PDE10A: variants seen among roughly 807,000 people sequenced by gnomAD.
The protein encoded by PDE10A is phosphodiesterase 10A, also known as cAMP and cAMP-inhibited cGMP 3',5'-cyclic phosphodiesterase 10A.
In PDE10A, 39 loss-of-function variants were observed where a neutral mutation model predicts 97.7. The observed-to-expected ratio is 0.40, with a 90% CI of 0.31 to 0.52. The LOEUF (loss-of-function observed/expected upper bound fraction) is 0.52, where lower values mean the gene tolerates loss of function less well. Ranked by LOEUF, PDE10A falls within the 20% of genes least tolerant of loss-of-function variation. PDE10A has a pLI of 0.56. For synonymous variants in PDE10A, 371 were observed against 376.8 expected (o/e 0.98, Z 0.18); for missense variants, 731 against 1,047.8 (o/e 0.70, Z 4.17).
chr6:165,807,451 C>T (rs757597987), intron 1 of PDE10A, among the ~76,000 whole-genome samples: 1 of 152,104 alleles, frequency 6.6e-6, no homozygotes, highest in Non-Finnish European at 1.5e-5. Context: ...GCACAGCACA[C>T]CAGGATTACA....
Position 165,685,968 on chromosome 6 carries a change from A to T in PDE10A, c.-614-142400T>A, listed in dbSNP as rs1054436110. ...GCCATTAAGAAAAAAATTAATAATA[A>T]AGAAATTACGTCCATGAGCCTAATT... On this transcript the variant is annotated intron_variant, in intron 1 of 19. Coordinates refer to the PDE10A transcript ENST00000366882. 7.9e-5 allele frequency among the ~76,000 whole-genome samples: 12 copies of T among 152,186 alleles called. No homozygotes were observed. The East Asian group carries it at 2.1e-3, about 27-fold the overall frequency.
intron 13 of PDE10A, among the ~76,000 whole-genome samples, chr6:165,402,857 C>T (rs1164894615): frequency 3.3e-5 from 5 of 152,106 alleles, no homozygotes; most frequent in Admixed American, 1.3e-4. Context: ...GGCCTATTTA[C>T]ACAATAACCC....
At chr6:165,828,284 GAA>G (rs1323148977) in intron 1 of PDE10A, among the ~76,000 whole-genome samples, 1 of 152,242 alleles carries the variant, frequency 6.6e-6, no homozygotes, top group African/African-American at 2.4e-5. Context: ...AATATACAGA[GAA>G]AAAGAGTAAC....
chr6:165,785,216 A>C (rs1583085655), intron 1 of PDE10A, among the ~76,000 whole-genome samples: 2 of 152,230 alleles, frequency 1.3e-5, no homozygotes, highest in Non-Finnish European at 2.9e-5. Context: ...TGCTGTGATC[A>C]TTGGAGACAG....
At chr6:165,470,859 T>A (rs370380446) in intron 3 of PDE10A, among the ~76,000 whole-genome samples, 1 of 152,224 alleles carries the variant, frequency 6.6e-6, no homozygotes, top group South Asian at 2.1e-4. Context: ...CTGAATCACT[T>A]CCACAAATAT....
rs1221816066 is a variant in PDE10A, at chr6:165,361,048, G to C, written c.2784-17546C>G. Among the ~76,000 whole-genome samples the C allele has an allele frequency of 6.6e-5, 10 of 152,284 alleles. No individual in the cohort carries two copies. The East Asian group carries it at 1.5e-3, about 23-fold the overall frequency. ...AAGCCAGACATTTATCAAATAGAAA[G>C]AAAAGGCAAACAGATTAAAAGAGAA... On this transcript the variant is annotated intron_variant, in intron 18 of 21. Transcript: ENST00000539869.
In PDE10A at chr6:165,328,693, C is replaced by T. The variant is rs1781177263; in HGVS notation, c.*4332G>A. On this transcript the variant is annotated 3_prime_UTR_variant, in exon 22 of 22. Coordinates refer to ENST00000539869, the MANE Select transcript of PDE10A (RefSeq NM_001385079.1). Reference sequence around the variant, plus strand: ...GATGTTAAATGTGTTTCTTAGGTAACATTAATGTCTTTCTCTTTGTTCTAT... The same window carrying T: ...GATGTTAAATGTGTTTCTTAGGTAATATTAATGTCTTTCTCTTTGTTCTAT... 1 of 152,204 alleles carries T rather than the reference C, an allele frequency of 6.6e-6. No homozygotes were observed. The allele number at this position is 152,204 out of a possible 1,614,324, so 9.4% of individuals were successfully genotyped here.
chr6:165,509,918 G>T (rs1044805689), intron 2 of PDE10A, among the ~76,000 whole-genome samples: 3 of 151,664 alleles, frequency 2.0e-5, no homozygotes, highest in South Asian at 2.1e-4. Flanking sequence ...CTGACTTTTT[G>T]ATTTTGTACC....
At chr6:165,806,658 C>G (rs908632962) in intron 1 of PDE10A, among the ~76,000 whole-genome samples, 3 of 151,968 alleles carry the variant, frequency 2.0e-5, no homozygotes, top group African/African-American at 7.2e-5. Context: ...CGCCCCCCCC[C>G]AGGCTCTTCT....
rs907599622 is a variant in PDE10A, at chr6:165,463,974, T to A, written c.1024-13612A>T. 9.2e-5 allele frequency among the ~76,000 whole-genome samples: 14 copies of A among 152,360 alleles called. No individual in the cohort carries two copies. The South Asian group carries it at 2.7e-3, about 29-fold the overall frequency. The stretch of plus-strand genomic sequence containing the variant: ...CTTCGTTTCCCATAAGGGATACTTT[T>A]AGTTAATTTAATATCTATAGAAACA... On this transcript the variant is annotated intron_variant, in intron 3 of 21. Coordinates refer to ENST00000539869, the MANE Select transcript of PDE10A (RefSeq NM_001385079.1).
chr6:165,359,957 T>C (rs1783285820), intron 18 of PDE10A, among the ~76,000 whole-genome samples: 1 of 152,194 alleles, frequency 6.6e-6, no homozygotes, highest in African/African-American at 2.4e-5. Context: ...ATCTGGGTCA[T>C]GATGTCTCCC....
chr6:165,515,977 T>C (rs1345943879), intron 2 of PDE10A, among the ~76,000 whole-genome samples: 1 of 152,144 alleles, frequency 6.6e-6, no homozygotes, highest in African/African-American at 2.4e-5. Context: ...AAGAGAGCAA[T>C]CTACTCCAAA....
chr6:165,585,396 T>A (rs1452540113), intron 1 of PDE10A, among the ~76,000 whole-genome samples: 1 of 152,190 alleles, frequency 6.6e-6, no homozygotes, highest in East Asian at 1.9e-4. Flanking sequence ...AGGTATTTTG[T>A]AGACATGATT....
intron 3 of PDE10A, among the ~76,000 whole-genome samples, chr6:165,469,572 A>G (rs915403621): frequency 6.6e-6 from 1 of 152,230 alleles, no homozygotes; most frequent in Admixed American, 6.5e-5. Context: ...GTGTAATAAG[A>G]TGAATACGGA....
At chr6:165,537,405 T>G (rs1446421382) in intron 2 of PDE10A, among the ~76,000 whole-genome samples, 1 of 151,944 alleles carries the variant, frequency 6.6e-6, no homozygotes, top group African/African-American at 2.4e-5. Flanking sequence ...ACCTGAATAG[T>G]AGATTTGGGA....
chr6:165,987,909 G>C, exon 1 of PDE10A: 1 of 372,838 alleles, frequency 2.7e-6, no homozygotes, highest in Non-Finnish European at 5.3e-6. Flanking sequence ...CTCAGCTCAA[G>C]CTCCCAGCAG....
chr6:165,839,926 T>A (rs1780193148), intron 1 of PDE10A, among the ~76,000 whole-genome samples: 1 of 152,202 alleles, frequency 6.6e-6, no homozygotes, highest in African/African-American at 2.4e-5. Flanking sequence ...CCCAACCTCA[T>A]CTCCATTCTT....
chr6:165,694,261 A>G (rs1791385160), intron 1 of PDE10A, among the ~76,000 whole-genome samples: 2 of 152,240 alleles, frequency 1.3e-5, no homozygotes, highest in African/African-American at 2.4e-5. Context: ...CCTCAGCCTT[A>G]TAATTAAACA....
chr6:165,342,101 T>C (rs1227314978), intron 19 of PDE10A, among the ~76,000 whole-genome samples: 1 of 152,368 alleles, frequency 6.6e-6, no homozygotes, highest in East Asian at 1.9e-4. Flanking sequence ...TAACTTATCA[T>C]AGATTTTTGT....
Sources: allele counts gnomAD v4.1 joint callset (sites outside exome capture counted in the v4.1 genomes callset), GRCh38; gene constraint gnomAD v4.1.1; transcripts MANE v1.5; gene names NCBI Gene and HGNC (gene_info 2026-07-23, HGNC 2026-07-21).